Variants in TRANK1 observed in about 807,000 individuals in gnomAD.
TRANK1 encodes tetratricopeptide repeat and ankyrin repeat containing 1.
Under a neutral mutation model 266.0 loss-of-function variants are expected in TRANK1, and 198 were observed. The observed-to-expected ratio is 0.74, with a 90% CI of 0.66 to 0.84. The LOEUF (loss-of-function observed/expected upper bound fraction) is 0.84. Ranked by LOEUF, TRANK1 falls within the 40% of genes least tolerant of loss-of-function variation. The pLI, the probability that TRANK1 is intolerant of heterozygous loss-of-function variation, is 0.00. For missense variants in TRANK1, 3,326 were observed against 3,634.6 expected (o/e 0.92, Z 2.18); for synonymous variants, 1,396 against 1,384.1 (o/e 1.01, Z -0.19).
At position 36,851,690 on chromosome 3, in the gene TRANK1, T is replaced by C. The variant is rs777611939; in HGVS notation, c.4887+29A>G. 9 of 1,595,228 alleles carry C rather than the reference T, an allele frequency of 5.6e-6. No homozygotes were observed. The East Asian group carries it at 1.8e-4, about 32-fold the overall frequency. ...AGTTCAGCTCATACATAAATATTCA[T>C]TGTGTGAAAAGAATTAGGTGTGACA... On this transcript the variant is annotated intron_variant, in intron 15 of 23. Coordinates refer to ENST00000645898, the MANE Select transcript of TRANK1 (RefSeq NM_001329998.2).
intron 1 of TRANK1, among the ~76,000 whole-genome samples, chr3:36,942,082 C>T (rs767827860): frequency 2.0e-5 from 3 of 152,200 alleles, no homozygotes; most frequent in Admixed American, 2.0e-4. Context: ...ACTGCAGGCT[C>T]TACTTGGCTG....
rs2078696903 is a variant in TRANK1 at position 36,831,725 on chromosome 3, C to A, written c.7858G>T (p.Val2620Leu). The A allele has an allele frequency of 6.2e-7, 1 of 1,613,972 alleles. No homozygotes were observed. Among genetic ancestry groups the A allele is most frequent in the Non-Finnish European group, 8.5e-7 (1 of 1,179,878 alleles). ...RLLKVVKRVL[V>L]AVNVKSVAEA... Reference sequence around the variant, plus strand: ...GCCACAGACTTCACATTGACTGCCACCAAGACCCGCTTCACCACCTTCAGG... The same window carrying A: ...GCCACAGACTTCACATTGACTGCCAACAAGACCCGCTTCACCACCTTCAGG... The change falls in exon 22 of 24, where the codon GTG (valine) becomes TTG (leucine). Residue 2620 changes from valine (V) to leucine (L), a missense_variant. Val to Leu is a conservative substitution (Grantham distance 32, BLOSUM62 1). Coordinates refer to ENST00000645898, the MANE Select transcript of TRANK1 (RefSeq NM_001329998.2). This position sits in a 1 kb window ranked among gnomAD's most constrained non-coding sequence, Gnocchi z 5.0.
At chr3:36,838,298 G>T in intron 20 of TRANK1, 74 bp downstream of exon 20, 1 of 1,577,938 alleles carries the variant, frequency 6.3e-7, no homozygotes, top group East Asian at 2.2e-5. Flanking sequence ...TATGAGTAGA[G>T]GTCGAGCCTA....
At chr3:36,865,024 GTTTTTTTT>G (rs34540496) in intron 9 of TRANK1, among the ~76,000 whole-genome samples, 3 of 119,808 alleles carry the variant, frequency 2.5e-5, no homozygotes, top group Non-Finnish European at 5.0e-5. Flanking sequence ...TGTTTTTTTG[GTTTTTTTT>G]TTTTTTTTTT....
intron 8 of TRANK1, among the ~76,000 whole-genome samples, chr3:36,889,237 G>T (rs1049528734): frequency 6.6e-6 from 1 of 152,140 alleles, no homozygotes. Flanking sequence ...AAACTGAGGG[G>T]TCTGAGAGTT....
chr3:36,869,001 G>T (rs921941859), intron 9 of TRANK1, among the ~76,000 whole-genome samples: 1 of 152,216 alleles, frequency 6.6e-6, no homozygotes, highest in Non-Finnish European at 1.5e-5. Context: ...TGGTCCCAAG[G>T]AAAGAGCTGA....
Position 36,855,263 on chromosome 3 carries a change from A to G in TRANK1, c.4459T>C (p.Tyr1487His). Residue 1487 changes from tyrosine to histidine, a missense_variant, in exon 13 of 24, where the codon TAT (tyrosine) becomes CAT (histidine). Transcript: ENST00000645898. Reference protein sequence around the residue: ...RFSDLRSLFHYASRNTIDKQC... With the variant: ...RFSDLRSLFHHASRNTIDKQC... Reference sequence around the variant, plus strand: ...TTGTCTATGGTGTTTCTGCTGGCATAATGGAACAGAGAGCGCAGATCGCTG... The same window carrying G: ...TTGTCTATGGTGTTTCTGCTGGCATGATGGAACAGAGAGCGCAGATCGCTG... 5 of 1,614,008 alleles carry G rather than the reference A, an allele frequency of 3.1e-6. No individual in the cohort carries two copies. The highest frequency in any genetic ancestry group is 4.2e-6 in the Non-Finnish European group (5 of 1,179,890).
chr3:36,875,415 T>G (rs2079373257), intron 8 of TRANK1, among the ~76,000 whole-genome samples: 1 of 152,228 alleles, frequency 6.6e-6, no homozygotes, highest in African/African-American at 2.4e-5. Flanking sequence ...GCAGAGAAAC[T>G]GGGATCTCAA....
intron 1 of TRANK1, among the ~76,000 whole-genome samples, chr3:36,928,126 A>G (rs1575327766): frequency 6.6e-6 from 1 of 152,148 alleles, no homozygotes; most frequent in African/African-American, 2.4e-5. Flanking sequence ...TCCCACATAA[A>G]TACATTAATT....
intron 1 of TRANK1, among the ~76,000 whole-genome samples, chr3:36,936,302 T>C (rs1263451468): frequency 3.3e-5 from 5 of 151,916 alleles, no homozygotes; most frequent in African/African-American, 1.2e-4. Context: ...CTGGGCAACA[T>C]AGCGAGATCA....
intron 9 of TRANK1, among the ~76,000 whole-genome samples, chr3:36,866,044 CAGAA>C (rs1263422394): frequency 1.1e-5 from 1 of 92,384 alleles, no homozygotes; most frequent in African/African-American, 3.7e-5. Flanking sequence ...GAGAGACAGA[CAGAA>C]AGAAAAAGAA....
rs1449744570 is a variant in TRANK1 at position 36,842,649 on chromosome 3, A to G, written c.5253T>C (p.Asp1751=). Residue 1751 remains aspartate (D), a synonymous_variant, in exon 18 of 24, where the codon GAT becomes GAC. Coordinates refer to ENST00000645898, the MANE Select transcript of TRANK1 (RefSeq NM_001329998.2). ...STPAEWIAQG[D]YYAKHQCWKV... ...TCCAGCACTGGTGCTTGGCGTAGTA[A>G]TCTCCCTGTGCAATCCACTCCGCAG... 1 of 1,613,910 alleles carries G rather than the reference A, an allele frequency of 6.2e-7. No individual in the cohort carries two copies. The highest frequency in any genetic ancestry group is 8.5e-7 in the Non-Finnish European group (1 of 1,179,880).
At position 36,831,666 on chromosome 3, in the gene TRANK1, A is replaced by C. The variant is rs1461541632; in HGVS notation, c.7917T>G (p.Asp2639Glu). 1.9e-6 allele frequency: 3 copies of C among 1,613,766 alleles called. No individual in the cohort carries two copies. The highest frequency in any genetic ancestry group is 4.5e-5 in the East Asian group (2 of 44,876). ...EALQDLLFER[D>E]EEYLMDCDWR... is the part of the protein sequence containing the mutation. ...AGTCACAGTCCATTAGGTACTCTTC[A>C]TCCCGCTCAAAGAGCAGGTCCTGCA... Residue 2639 changes from aspartate to glutamate, a missense_variant, in exon 22 of 24, where the codon GAT becomes GAG. Coordinates refer to ENST00000645898, the MANE Select transcript of TRANK1 (RefSeq NM_001329998.2). The surrounding 1 kb of genome is among the most constrained non-coding windows in gnomAD (Gnocchi z 5.0).
chr3:36,901,449 T>C (rs766613107), intron 3 of TRANK1, among the ~76,000 whole-genome samples: 48 of 152,198 alleles, frequency 3.2e-4, no homozygotes, highest in Non-Finnish European at 6.6e-4. Flanking sequence ...CCTAAAACTC[T>C]TTTCCTTTAT....
In TRANK1 at chr3:36,857,171, T is replaced by A; in HGVS notation, c.2551A>T (p.Met851Leu). 1 of 1,613,968 alleles carries A rather than the reference T, an allele frequency of 6.2e-7. No individual in the cohort carries two copies. Among genetic ancestry groups the A allele is most frequent in the Non-Finnish European group, 8.5e-7 (1 of 1,179,894 alleles). ...ATTTTCTTCTTGATGACCTTGGTCA[T>A]TACCTTACTAGACAGCTTCTTCAGC... ...EMLKKLSSKVMTKVIKKKIIL... is the reference protein window; with the variant it reads ...EMLKKLSSKVLTKVIKKKIIL... The change falls in exon 13 of 24, where the codon ATG becomes TTG. Residue 851 changes from methionine to leucine, a missense_variant. Coordinates refer to ENST00000645898, the MANE Select transcript of TRANK1 (RefSeq NM_001329998.2). The surrounding 1 kb of genome is among the most constrained non-coding windows in gnomAD (Gnocchi z 4.3).
intron 1 of TRANK1, among the ~76,000 whole-genome samples, chr3:36,941,191 C>G (rs2080491404): frequency 1.3e-5 from 2 of 152,212 alleles, no homozygotes; most frequent in Admixed American, 1.3e-4. Flanking sequence ...AAATCCATCA[C>G]TGATTTTTCG....
At chr3:36,931,083 ACT>A (rs1445265156) in intron 1 of TRANK1, among the ~76,000 whole-genome samples, 4 of 152,168 alleles carry the variant, frequency 2.6e-5, no homozygotes, top group Admixed American at 6.5e-5. Context: ...GCAGCAACTG[ACT>A]CTACTTCTGG....
intron 1 of TRANK1, among the ~76,000 whole-genome samples, chr3:36,925,177 AGG>A (rs2080271041): frequency 6.6e-6 from 1 of 152,098 alleles, no homozygotes; most frequent in African/African-American, 2.4e-5. Flanking sequence ...TGTTCAATCT[AGG>A]GGTCCAGATT....
intron 1 of TRANK1, among the ~76,000 whole-genome samples, chr3:36,939,433 C>T (rs2080467860): frequency 6.6e-6 from 1 of 152,134 alleles, no homozygotes; most frequent in Non-Finnish European, 1.5e-5. Flanking sequence ...GGACTAGTCC[C>T]AAAAGGAAGA....
Sources: allele counts gnomAD v4.1 joint callset (sites outside exome capture counted in the v4.1 genomes callset), GRCh38; gene constraint gnomAD v4.1.1; non-coding constraint Gnocchi (gnomAD v3.1); transcripts MANE v1.5; gene names NCBI Gene and HGNC (gene_info 2026-07-23, HGNC 2026-07-21).